Variants in CHST9 observed in about 807,000 individuals in gnomAD.
CHST9 encodes carbohydrate sulfotransferase 9, also known as GalNAc-4-sulfotransferase 2.
CHST9 carries 41 observed loss-of-function variants against 44.4 expected under a neutral mutation model. That is an observed-to-expected ratio of 0.92 (90% confidence interval 0.72 to 1.20). The LOEUF (loss-of-function observed/expected upper bound fraction) is 1.20, where lower values mean the gene tolerates loss of function less well. Among genes scored for constraint, CHST9 ranks in the 50% most tolerant of loss-of-function variants. CHST9 has a pLI of 0.00. For synonymous variants in CHST9, 171 were observed against 178.4 expected, an observed-to-expected ratio of 0.96 and a Z score of 0.33; for missense variants, 504 against 516.5, an observed-to-expected ratio of 0.98 and a Z score of 0.23.
chr18:26,982,434 CA>C (rs1239426777), intron 4 of CHST9, among the ~76,000 whole-genome samples: 1 of 150,732 alleles, frequency 6.6e-6, no homozygotes, highest in African/African-American at 2.4e-5. Flanking sequence ...GTTTCTCTAG[CA>C]AAAACAGTCA....
intron 5 of CHST9, among the ~76,000 whole-genome samples, chr18:26,925,101 G>A (rs1465923715): frequency 6.6e-6 from 1 of 152,018 alleles, no homozygotes; most frequent in Non-Finnish European, 1.5e-5. Flanking sequence ...GGGAGGTAAT[G>A]AGATGGAGAA....
chr18:27,035,438 C>G (rs766312056), intron 3 of CHST9, among the ~76,000 whole-genome samples: 6 of 152,052 alleles, frequency 3.9e-5, no homozygotes, highest in Non-Finnish European at 7.4e-5. Flanking sequence ...TGGAAACAAT[C>G]TAAATGTCTA....
intron 4 of CHST9, among the ~76,000 whole-genome samples, chr18:26,961,225 A>G (rs537291543): frequency 6.6e-6 from 1 of 152,340 alleles, no homozygotes; most frequent in South Asian, 2.1e-4. Flanking sequence ...GCAATTAAAA[A>G]TAATAAGGTC....
chr18:27,164,588 A>G (rs1024556558), intron 1 of CHST9, among the ~76,000 whole-genome samples: 1 of 152,190 alleles, frequency 6.6e-6, no homozygotes, highest in African/African-American at 2.4e-5. Context: ...ACTGAAAAAC[A>G]TGAGTTTCTA....
At chr18:27,088,283 CTTT>C (rs1430478239) in intron 2 of CHST9, among the ~76,000 whole-genome samples, 2 of 151,966 alleles carry the variant, frequency 1.3e-5, no homozygotes, top group Non-Finnish European at 2.9e-5. Context: ...GAAAAGTCTT[CTTT>C]ATGTTCCCAA....
At chr18:27,115,876 G>C (rs2058315217) in intron 2 of CHST9, among the ~76,000 whole-genome samples, 1 of 152,114 alleles carries the variant, frequency 6.6e-6, no homozygotes, top group South Asian at 2.1e-4. Flanking sequence ...GTTTAGATTT[G>C]CATTTCCCTG....
intron 4 of CHST9, among the ~76,000 whole-genome samples, chr18:26,955,780 T>C (rs1485554562): frequency 1.3e-5 from 2 of 152,100 alleles, no homozygotes; most frequent in Non-Finnish European, 2.9e-5. Context: ...CATGTACAAC[T>C]CAGGAAAGAA....
At chr18:27,018,841 A>T (rs2057185900) in intron 4 of CHST9, among the ~76,000 whole-genome samples, 1 of 152,136 alleles carries the variant, frequency 6.6e-6, no homozygotes, top group African/African-American at 2.4e-5. Flanking sequence ...CAGGAGAGAG[A>T]GCAGGAGAAT....
At chr18:27,006,251 T>C (rs963094533) in intron 4 of CHST9, among the ~76,000 whole-genome samples, 1 of 152,170 alleles carries the variant, frequency 6.6e-6, no homozygotes, top group Non-Finnish European at 1.5e-5. Flanking sequence ...TATTTATTTA[T>C]TTATTTGGTC....
At chr18:26,995,385 C>T (rs1056105736) in intron 4 of CHST9, among the ~76,000 whole-genome samples, 2 of 149,876 alleles carry the variant, frequency 1.3e-5, no homozygotes, top group African/African-American at 4.9e-5. Flanking sequence ...TTGCAGTGAG[C>T]CAAGATCGCG....
intron 2 of CHST9, among the ~76,000 whole-genome samples, chr18:27,081,755 CA>C (rs2057962982): frequency 6.6e-6 from 1 of 152,132 alleles, no homozygotes; most frequent in East Asian, 1.9e-4. Flanking sequence ...AAAAATGTTA[CA>C]AAGCAGCTTA....
chr18:26,934,386 A>T (rs45560441), intron 5 of CHST9: 1 of 151,244 alleles, frequency 6.6e-6, no homozygotes. Context: ...AGGCGCCCGC[A>T]ACCACGCCCG....
intron 1 of CHST9, among the ~76,000 whole-genome samples, chr18:27,165,181 T>C (rs754747338): frequency 1.3e-5 from 2 of 152,216 alleles, no homozygotes; most frequent in Non-Finnish European, 2.9e-5. Context: ...TGGTTTGTTT[T>C]AAAATCTAGA....
At chr18:26,961,265 C>T (rs926580013) in intron 4 of CHST9, among the ~76,000 whole-genome samples, 2 of 152,162 alleles carry the variant, frequency 1.3e-5, no homozygotes, top group Admixed American at 6.5e-5. Flanking sequence ...GAGAACAATA[C>T]CTCCATTGTA....
chr18:26,917,276 A>C lies in CHST9; in HGVS notation c.315T>G (p.Thr105=). The part of the protein sequence containing the change: ...ENLLLNSERS[T]RLLTKTSHSQ... ...AATGACTGGTCTTTGTTAAGAGCCT[A>C]GTAGATCTCTCAGAATTGAGTAGAA... The change falls in exon 6 of 6, where the codon ACT becomes ACG. Residue 105 remains threonine (T), a synonymous_variant. Coordinates refer to ENST00000618847, the MANE Select transcript of CHST9 (RefSeq NM_031422.6). The C allele has an allele frequency of 6.2e-7, 1 of 1,613,802 alleles. No homozygotes were observed. Among genetic ancestry groups the C allele is most frequent in the South Asian group, 1.1e-5 (1 of 91,058 alleles).
At chr18:26,976,788 G>A (rs1477693321) in intron 4 of CHST9, among the ~76,000 whole-genome samples, 11 of 152,102 alleles carry the variant, frequency 7.2e-5, no homozygotes, top group Non-Finnish European at 4.4e-5. Context: ...ACAGGGGGCT[G>A]CTTTGCTCCT....
At chr18:27,157,951 A>T (rs554312756) in intron 1 of CHST9, among the ~76,000 whole-genome samples, 5 of 152,104 alleles carry the variant, frequency 3.3e-5, no homozygotes, top group Non-Finnish European at 4.4e-5. Context: ...TTCCAGTAAA[A>T]TGGGGGCATA....
At chr18:26,968,713 T>A (rs1249535102) in intron 4 of CHST9, among the ~76,000 whole-genome samples, 1 of 152,228 alleles carries the variant, frequency 6.6e-6, no homozygotes, top group Non-Finnish European at 1.5e-5. Flanking sequence ...AGCTGTTTTT[T>A]AAAAATGAGC....
intron 2 of CHST9, among the ~76,000 whole-genome samples, chr18:27,076,687 C>T: frequency 6.6e-6 from 1 of 152,188 alleles, no homozygotes; most frequent in South Asian, 2.1e-4. Context: ...TCTGCATAAC[C>T]TTGAGGTCTT....
Sources: gnomAD v4.1 joint callset for allele counts (sites outside exome capture counted in the v4.1 genomes callset) on GRCh38, gnomAD v4.1.1 for gene constraint, MANE v1.5 for transcripts, NCBI Gene and HGNC (gene_info 2026-07-23, HGNC 2026-07-21) for gene names.